The following RABL3 variants were observed in gnomAD, a reference collection of about 807,000 sequenced individuals.
RABL3 encodes the protein RAB, member of RAS oncogene family like 3, also known as rab-like protein 3.
Under a neutral mutation model 31.8 loss-of-function variants are expected in RABL3, and 31 were observed. That is an observed-to-expected ratio of 0.97 (90% confidence interval 0.73 to 1.31). RABL3 has a LOEUF of 1.31. Among genes scored for constraint, RABL3 ranks in the 40% most tolerant of loss-of-function variants. The pLI, the probability that RABL3 is intolerant of heterozygous loss-of-function variation, is 0.00. For missense variants in RABL3, 263 were observed against 279.6 expected (o/e 0.94, Z 0.42); for synonymous variants, 97 against 99.9 (o/e 0.97, Z 0.18).
intron 3 of RABL3, among the ~76,000 whole-genome samples, chr3:120,706,614 C>T (rs1229276517): frequency 6.6e-6 from 1 of 151,454 alleles, no homozygotes; most frequent in Admixed American, 6.6e-5. Flanking sequence ...TGATTTGATA[C>T]AATTGCTATT....
At chr3:120,714,271 G>C (rs1708643862) in intron 2 of RABL3, among the ~76,000 whole-genome samples, 1 of 152,194 alleles carries the variant, frequency 6.6e-6, no homozygotes, top group Non-Finnish European at 1.5e-5. Flanking sequence ...TCTTAGGAGG[G>C]AGTTGGTAAC....
intron 1 of RABL3, among the ~76,000 whole-genome samples, chr3:120,739,489 C>G (rs962321359): frequency 6.6e-6 from 1 of 152,042 alleles, no homozygotes; most frequent in Admixed American, 6.6e-5. Context: ...GTTGTTTTTC[C>G]TCTCATAAAT....
At chr3:120,692,108 C>G (rs557696748) in intron 6 of RABL3, among the ~76,000 whole-genome samples, 1 of 152,158 alleles carries the variant, frequency 6.6e-6, no homozygotes, top group Non-Finnish European at 1.5e-5. Flanking sequence ...TATGGCAGGA[C>G]AGGAAAATCT....
chr3:120,729,165 G>A (rs1294308048), intron 2 of RABL3, among the ~76,000 whole-genome samples: 1 of 152,148 alleles, frequency 6.6e-6, no homozygotes, highest in Non-Finnish European at 1.5e-5. Flanking sequence ...TTCTGTCAGG[G>A]ACCTCAGACA....
At chr3:120,718,540 T>G (rs1559818329) in intron 2 of RABL3, among the ~76,000 whole-genome samples, 1 of 152,246 alleles carries the variant, frequency 6.6e-6, no homozygotes, top group Non-Finnish European at 1.5e-5. Flanking sequence ...ACCCAGTATT[T>G]CTCAAGGCAT....
chr3:120,711,441 G>C, intron 2 of RABL3, among the ~76,000 whole-genome samples: 1 of 152,060 alleles, frequency 6.6e-6, no homozygotes, highest in South Asian at 2.1e-4. Flanking sequence ...TGCCTGAATT[G>C]ATATAATGGT....
At chr3:120,721,445 G>A (rs1309594872) in intron 2 of RABL3, among the ~76,000 whole-genome samples, 1 of 152,034 alleles carries the variant, frequency 6.6e-6, no homozygotes, top group Non-Finnish European at 1.5e-5. Flanking sequence ...CTCATGTGCA[G>A]AGACACACAT....
rs1210200344 is a variant in RABL3 at position 120,689,024 on chromosome 3, G to C, written c.*799C>G. 6.6e-6 allele frequency: 1 copy of C among 152,118 alleles called. No individual in the cohort carries two copies. Among genetic ancestry groups the C allele is most frequent in the African/African-American group, 2.4e-5 (1 of 41,420 alleles). 9.4% of individuals were successfully genotyped at this position (152,118 alleles called of 1,614,324 possible). ...AACAAATAGAGAGGAGGCTGTAAAT[G>C]TCTCTCACTGCCCTTGTGCAGGTCT... is the stretch of plus-strand genomic sequence containing the variant. On this transcript the variant is annotated 3_prime_UTR_variant, in exon 8 of 8. Coordinates refer to ENST00000273375, the MANE Select transcript of RABL3 (RefSeq NM_173825.5).
At chr3:120,694,663 G>A (rs1315976546) in intron 5 of RABL3, among the ~76,000 whole-genome samples, 1 of 151,938 alleles carries the variant, frequency 6.6e-6, no homozygotes, top group African/African-American at 2.4e-5. Flanking sequence ...CATATGAATC[G>A]GAGAAAGCAA....
rs985442439 is a variant in RABL3, at chr3:120,709,967, C to G, written c.139-58G>C. 2.1e-5 allele frequency: 27 copies of G among 1,294,208 alleles called. 1 individual carries two copies. In the African/African-American group the frequency reaches 3.6e-4, roughly 17 times the overall value. The allele number at this position is 1,294,208 out of a possible 1,614,324, so 80.2% of individuals were successfully genotyped here. A position where few individuals can be genotyped will look rare whatever the true frequency, so the allele number is the denominator to read the frequency against. ...AGCCACTAAACAAACTAGTAAGTAC[C>G]CTTATTCCGGTTTAAAGCATTTCAG... is the stretch of plus-strand genomic sequence containing the variant. On this transcript the variant is annotated intron_variant, in intron 2 of 7. Coordinates refer to ENST00000273375, the MANE Select transcript of RABL3 (RefSeq NM_173825.5).
chr3:120,686,900 G>C lies in RABL3; in HGVS notation c.*2923C>G, dbSNP rs1408737954. On this transcript the variant is annotated 3_prime_UTR_variant, in exon 8 of 8. Coordinates refer to ENST00000273375, the MANE Select transcript of RABL3 (RefSeq NM_173825.5). Reference sequence around the variant, plus strand: ...GATTCTTCTTGGTGTCTCTGTATCTGTGAGGATAAAGGGTACCTATGGAAT... The same window carrying C: ...GATTCTTCTTGGTGTCTCTGTATCTCTGAGGATAAAGGGTACCTATGGAAT... 6.6e-6 allele frequency: 1 copy of C among 152,188 alleles called. No homozygotes were observed. The highest frequency in any genetic ancestry group is 1.5e-5 in the Non-Finnish European group (1 of 68,050). 9.4% of individuals were successfully genotyped at this position (152,188 alleles called of 1,614,324 possible).
intron 2 of RABL3, among the ~76,000 whole-genome samples, chr3:120,725,736 G>A (rs183368839): frequency 2.6e-5 from 4 of 152,214 alleles, no homozygotes; most frequent in African/African-American, 7.2e-5. Context: ...TCATAGGTGG[G>A]AATTGAACAA....
intron 5 of RABL3, among the ~76,000 whole-genome samples, chr3:120,697,419 T>G (rs1708448887): frequency 6.6e-6 from 1 of 152,204 alleles, no homozygotes; most frequent in East Asian, 1.9e-4. Flanking sequence ...AAAACAGTTT[T>G]CAACCCGTAA....
intron 4 of RABL3, among the ~76,000 whole-genome samples, chr3:120,702,588 C>G (rs1348457538): frequency 1.3e-5 from 2 of 150,224 alleles, no homozygotes; most frequent in Non-Finnish European, 3.0e-5. Flanking sequence ...GACGGAGTCT[C>G]ACTCTGTTGC....
chr3:120,726,288 A>C (rs1253883348), intron 2 of RABL3, among the ~76,000 whole-genome samples: 1 of 152,128 alleles, frequency 6.6e-6, no homozygotes, highest in African/African-American at 2.4e-5. Context: ...AAACCTCTTT[A>C]TTTCAAATTT....
intron 1 of RABL3, among the ~76,000 whole-genome samples, chr3:120,740,859 A>G (rs560274831): frequency 6.6e-6 from 1 of 152,346 alleles, no homozygotes; most frequent in South Asian, 2.1e-4. Flanking sequence ...CAACTAAACC[A>G]TAACAGGGGA....
In RABL3 at chr3:120,701,495, G is replaced by A. The variant is rs574002037; in HGVS notation, c.384-2922C>T. Among the ~76,000 whole-genome samples the A allele has an allele frequency of 7.9e-5, 12 of 152,248 alleles. No individual in the cohort carries two copies. The East Asian group carries it at 2.3e-3, about 29-fold the overall frequency. On this transcript the variant is annotated intron_variant, in intron 4 of 7. Transcript: ENST00000273375. ...CTGACAAAAATGCAGATTTCTTTCT[G>A]ATATGAATATGCTGTCTCCTAACCC...
chr3:120,742,608 G>A, upstream of RABL3: 2 of 1,166,194 alleles, frequency 1.7e-6, no homozygotes, highest in Non-Finnish European at 1.3e-6. Context: ...GCCACTCGGA[G>A]CGTGACTGTC....
At chr3:120,709,578 CACTT>C (rs1479160396) in intron 3 of RABL3, among the ~76,000 whole-genome samples, 198 bp downstream of exon 3, 3 of 119,962 alleles carry the variant, frequency 2.5e-5, no homozygotes, top group Non-Finnish European at 5.9e-5. Flanking sequence ...TAAATAGAAA[CACTT>C]AATGTTTAAT....
Sources: allele counts gnomAD v4.1 joint callset (sites outside exome capture counted in the v4.1 genomes callset), GRCh38; gene constraint gnomAD v4.1.1; transcripts MANE v1.5; gene names NCBI Gene and HGNC (gene_info 2026-07-23, HGNC 2026-07-21).